The following CDH13 variants were observed in gnomAD, a reference collection of about 807,000 sequenced individuals.
CDH13 encodes cadherin 13, also known as cadherin-13.
Under a neutral mutation model 63.8 loss-of-function variants are expected in CDH13, and 24 were observed. That is an observed-to-expected ratio of 0.38 (90% CI 0.27 to 0.53). The LOEUF (loss-of-function observed/expected upper bound fraction) is 0.53, where lower values mean the gene tolerates loss of function less well. Among genes scored for constraint, CDH13 ranks in the 20% least tolerant of loss-of-function variants. The probability of loss-of-function intolerance (pLI) is 0.85; values close to 1 mark genes in which losing one functional copy is unlikely to be tolerated. For missense variants in CDH13, 1,049 were observed against 903.1 expected (o/e 1.16, Z -2.07); for synonymous variants, 503 against 355.3 (o/e 1.42, Z -4.67).
chr16:83,046,286 A>G (rs1917776306), intron 3 of CDH13, among the ~76,000 whole-genome samples: 2 of 152,162 alleles, frequency 1.3e-5, no homozygotes, highest in Admixed American at 6.5e-5. Flanking sequence ...TATCTTTCTT[A>G]ATTAGGTAGG....
At chr16:83,497,468 A>G (rs1253049420) in intron 7 of CDH13, among the ~76,000 whole-genome samples, 1 of 139,064 alleles carries the variant, frequency 7.2e-6, no homozygotes, top group Non-Finnish European at 1.5e-5. Context: ...CAGTGAAATC[A>G]CATGGACACA....
chr16:83,238,344 A>G (rs536981016), intron 5 of CDH13, among the ~76,000 whole-genome samples: 4 of 152,334 alleles, frequency 2.6e-5, no homozygotes, highest in African/African-American at 7.2e-5. Context: ...GAGCGTGTGC[A>G]GGGGAACTGC....
chr16:83,670,232 C>T (rs556789695), intron 8 of CDH13, among the ~76,000 whole-genome samples: 4 of 152,286 alleles, frequency 2.6e-5, no homozygotes, highest in African/African-American at 9.6e-5. Context: ...CCAGTCTCTC[C>T]ACTTACAAGT....
At position 83,646,700 on chromosome 16, in the gene CDH13, AAAAAAAAAAAAAACACACACACAC is replaced by A. The variant is rs1327526485; in HGVS notation, c.1102-24088_1102-24065del. Among the ~76,000 whole-genome samples, 101 of 80,040 alleles carry A rather than the reference AAAAAAAAAAAAAACACACACACAC, an allele frequency of 1.3e-3. 1 individual carries two copies. The highest frequency in any genetic ancestry group is 0.01 in the Middle Eastern group (2 of 194). 52.5% of individuals were successfully genotyped at this position (80,040 alleles called of 152,430 possible). ...AGAGCAAGACTCCGTCTCAAAAAAAAAAAAAAAAAAAAACACACACACACACACACACACACACAGTTGTGTTTG... is the reference window on the plus strand; with the variant it reads ...AGAGCAAGACTCCGTCTCAAAAAAAAACACACACACACACAGTTGTGTTTG... On this transcript the variant is annotated intron_variant, in intron 8 of 13. Coordinates refer to ENST00000567109, the MANE Select transcript of CDH13 (RefSeq NM_001257.5).
At chr16:83,444,018 G>T (rs918029635) in intron 6 of CDH13, among the ~76,000 whole-genome samples, 1 of 150,698 alleles carries the variant, frequency 6.6e-6, no homozygotes, top group African/African-American at 2.4e-5. Flanking sequence ...GGTGGTGAAG[G>T]TGATGGCGAT....
intron 6 of CDH13, among the ~76,000 whole-genome samples, chr16:83,412,658 C>T (rs1266197476): frequency 2.0e-5 from 3 of 152,128 alleles, no homozygotes; most frequent in Non-Finnish European, 2.9e-5. Flanking sequence ...ACATCAACTC[C>T]TTGCAGGTAG....
chr16:83,398,695 A>G (rs571758736), intron 6 of CDH13, among the ~76,000 whole-genome samples: 15 of 152,196 alleles, frequency 9.9e-5, no homozygotes, highest in Non-Finnish European at 2.2e-4. Flanking sequence ...GTTGATGCTA[A>G]AAGTTGCTCA....
At chr16:82,815,939 A>T (rs2037684844) in intron 1 of CDH13, among the ~76,000 whole-genome samples, 1 of 152,178 alleles carries the variant, frequency 6.6e-6, no homozygotes, top group African/African-American at 2.4e-5. Flanking sequence ...CGTGTTTAGG[A>T]CTGATAAAAT....
At chr16:83,256,891 C>CA (rs1906361889) in intron 5 of CDH13, among the ~76,000 whole-genome samples, 1 of 150,178 alleles carries the variant, frequency 6.7e-6, no homozygotes, top group Admixed American at 6.6e-5. Context: ...CCCTGTTAGA[C>CA]TTCATGCTCC....
At chr16:82,688,789 A>C (rs931590175) in intron 1 of CDH13, 1 of 152,228 alleles carries the variant, frequency 6.6e-6, no homozygotes, top group Admixed American at 6.5e-5. Flanking sequence ...TAAGGTAAGA[A>C]AAATGGAGAG....
At chr16:83,244,955 A>G (rs554672723) in intron 5 of CDH13, among the ~76,000 whole-genome samples, 16 of 152,196 alleles carry the variant, frequency 1.1e-4, no homozygotes, top group Admixed American at 3.3e-4. Context: ...AGCCATATCT[A>G]TTTGTACGGT....
intron 3 of CDH13, among the ~76,000 whole-genome samples, chr16:83,040,755 C>T (rs755768473): frequency 2.6e-5 from 4 of 152,156 alleles, no homozygotes; most frequent in Non-Finnish European, 4.4e-5. Context: ...AGTTGACAAT[C>T]AATATTAGCC....
At chr16:83,454,278 A>T (rs575862343) in intron 6 of CDH13, among the ~76,000 whole-genome samples, 30 of 152,354 alleles carry the variant, frequency 2.0e-4, no homozygotes, top group African/African-American at 5.3e-4. Context: ...TGTCTGAGAA[A>T]ATGATTGAGA....
chr16:83,565,571 T>G (rs1904275226), intron 7 of CDH13, among the ~76,000 whole-genome samples: 1 of 152,048 alleles, frequency 6.6e-6, no homozygotes, highest in Non-Finnish European at 1.5e-5. Flanking sequence ...GACAAGGCAG[T>G]GGAACATCTG....
intron 5 of CDH13, among the ~76,000 whole-genome samples, chr16:83,252,271 CTT>C (rs59464826): frequency 0.25 from 34,561 of 138,844 alleles, 4,295 homozygotes; most frequent in Middle Eastern, 0.35. Context: ...TCTTTTTTTT[CTT>C]TTTTTTTTTC....
chr16:83,389,220 A>G (rs2091737312), intron 6 of CDH13, among the ~76,000 whole-genome samples: 1 of 152,236 alleles, frequency 6.6e-6, no homozygotes, highest in Non-Finnish European at 1.5e-5. Context: ...AGAATTTTAA[A>G]AAGTCAGATA....
intron 1 of CDH13, among the ~76,000 whole-genome samples, chr16:82,788,302 C>T (rs1305245626): frequency 6.6e-6 from 1 of 152,168 alleles, no homozygotes; most frequent in Non-Finnish European, 1.5e-5. Context: ...CACATAAGCT[C>T]GTTACTACCC....
At chr16:82,803,906 T>C (rs925305830) in intron 1 of CDH13, among the ~76,000 whole-genome samples, 6 of 152,268 alleles carry the variant, frequency 3.9e-5, no homozygotes, top group Admixed American at 1.3e-4. Context: ...TTAGTGCTTT[T>C]AGGTAACAAA....
chr16:83,431,539 A>T (rs1046554458), intron 6 of CDH13, among the ~76,000 whole-genome samples: 5 of 152,194 alleles, frequency 3.3e-5, no homozygotes, highest in South Asian at 2.1e-4. Flanking sequence ...AAAATTTTTT[A>T]AAAAGGCTTA....
Sources: allele counts gnomAD v4.1 joint callset (sites outside exome capture counted in the v4.1 genomes callset), GRCh38; gene constraint gnomAD v4.1.1; transcripts MANE v1.5; gene names NCBI Gene and HGNC (gene_info 2026-07-23, HGNC 2026-07-21).